The following KCTD8 variants were observed in gnomAD, a reference collection of about 807,000 sequenced individuals.
KCTD8 encodes the protein potassium channel tetramerization domain containing 8, also known as BTB/POZ domain-containing protein KCTD8.
A neutral mutation model predicts 31.5 loss-of-function variants in KCTD8; 27 were observed. That is an observed-to-expected ratio of 0.86 (90% CI 0.63 to 1.18). The LOEUF (loss-of-function observed/expected upper bound fraction) is 1.18, where lower values mean the gene tolerates loss of function less well. Ranked by LOEUF, KCTD8 falls within the 50% of genes most tolerant of loss-of-function variation. The pLI is 0.00. For synonymous variants in KCTD8, 290 were observed against 280.0 expected (o/e 1.04, Z -0.36); for missense variants, 658 against 647.7 (o/e 1.02, Z -0.17).
chr4:44,195,710 G>A (rs953497543), intron 1 of KCTD8, among the ~76,000 whole-genome samples: 2 of 152,084 alleles, frequency 1.3e-5, no homozygotes, highest in African/African-American at 2.4e-5. Context: ...TATTTTATAT[G>A]CAATTTTTGG....
chr4:44,412,812 G>A (rs975592050), intron 1 of KCTD8, among the ~76,000 whole-genome samples: 27 of 152,240 alleles, frequency 1.8e-4, no homozygotes, highest in South Asian at 4.2e-4. Context: ...TAGGCATATT[G>A]TCAATTAAAT....
At chr4:44,348,173 G>T (rs1719083514) in intron 1 of KCTD8, among the ~76,000 whole-genome samples, 1 of 152,142 alleles carries the variant, frequency 6.6e-6, no homozygotes, top group Non-Finnish European at 1.5e-5. Context: ...GCACGGTAAA[G>T]ACATTGTAGG....
intron 1 of KCTD8, among the ~76,000 whole-genome samples, chr4:44,348,435 A>G (rs371794361): frequency 4.0e-4 from 61 of 152,326 alleles, no homozygotes; most frequent in African/African-American, 1.2e-3. Flanking sequence ...TGCAAACTAC[A>G]GTGAAAAATA....
chr4:44,249,784 T>C (rs557109036), intron 1 of KCTD8, among the ~76,000 whole-genome samples: 1 of 151,550 alleles, frequency 6.6e-6, no homozygotes, highest in Non-Finnish European at 1.5e-5. Flanking sequence ...CTTCCCTTCC[T>C]GCCCCCTTCC....
At chr4:44,197,506 C>G (rs543434520) in intron 1 of KCTD8, among the ~76,000 whole-genome samples, 1 of 152,180 alleles carries the variant, frequency 6.6e-6, no homozygotes, top group Non-Finnish European at 1.5e-5. Flanking sequence ...TGCTGGCCAT[C>G]ATGCTTAAGC....
At chr4:44,301,227 T>C (rs1717610032) in intron 1 of KCTD8, among the ~76,000 whole-genome samples, 1 of 152,202 alleles carries the variant, frequency 6.6e-6, no homozygotes, top group Non-Finnish European at 1.5e-5. Flanking sequence ...TTTGGGTATA[T>C]ACCCAGTAAT....
At chr4:44,247,728 G>A (rs1379542835) in intron 1 of KCTD8, among the ~76,000 whole-genome samples, 4 of 151,756 alleles carry the variant, frequency 2.6e-5, no homozygotes, top group Non-Finnish European at 5.9e-5. Context: ...GTTCTTCTGT[G>A]ATAGGCTTAC....
At chr4:44,442,245 AT>A (rs1237586416) in intron 1 of KCTD8, among the ~76,000 whole-genome samples, 3 of 152,064 alleles carry the variant, frequency 2.0e-5, no homozygotes, top group African/African-American at 7.2e-5. Flanking sequence ...ATTTAATCTT[AT>A]TTTTTGTAAT....
At chr4:44,181,614 C>T (rs376688064) in intron 1 of KCTD8, among the ~76,000 whole-genome samples, 2,686 of 152,266 alleles carry the variant, frequency 0.018, 82 homozygotes, top group African/African-American at 0.061. Context: ...ACCTCCCAGC[C>T]GCCTGCCTTG....
At chr4:44,334,662 A>G (rs898193890) in intron 1 of KCTD8, among the ~76,000 whole-genome samples, 37 of 152,086 alleles carry the variant, frequency 2.4e-4, no homozygotes, top group African/African-American at 8.9e-4. Context: ...TGTAAAAAAA[A>G]TCCTTGAACA....
chr4:44,256,935 T>C (rs1271241132), intron 1 of KCTD8, among the ~76,000 whole-genome samples: 1 of 151,990 alleles, frequency 6.6e-6, no homozygotes, highest in Non-Finnish European at 1.5e-5. Flanking sequence ...AAAACAAATA[T>C]CCTCTATGAC....
At chr4:44,405,415 C>T (rs535915632) in intron 1 of KCTD8, among the ~76,000 whole-genome samples, 23 of 151,998 alleles carry the variant, frequency 1.5e-4, no homozygotes, top group African/African-American at 3.6e-4. Flanking sequence ...GTGCTTACCA[C>T]GCCCAGCTAA....
intron 1 of KCTD8, among the ~76,000 whole-genome samples, chr4:44,344,934 C>T (rs1411801906): frequency 1.3e-5 from 2 of 152,168 alleles, no homozygotes; most frequent in Non-Finnish European, 2.9e-5. Flanking sequence ...TCCCTCCTCA[C>T]TGTTCTTCAG....
At chr4:44,200,617 T>TA (rs1270815478) in intron 1 of KCTD8, among the ~76,000 whole-genome samples, 1 of 152,014 alleles carries the variant, frequency 6.6e-6, no homozygotes, top group Non-Finnish European at 1.5e-5. Flanking sequence ...CCCTTCATGA[T>TA]AAAAACCATC....
At chr4:44,402,438 A>G (rs1720688588) in intron 1 of KCTD8, among the ~76,000 whole-genome samples, 1 of 152,148 alleles carries the variant, frequency 6.6e-6, no homozygotes, top group African/African-American at 2.4e-5. Context: ...TAAATATATT[A>G]GAAGAAATAA....
At chr4:44,196,060 G>A (rs559810793) in intron 1 of KCTD8, among the ~76,000 whole-genome samples, 1 of 152,296 alleles carries the variant, frequency 6.6e-6, no homozygotes, top group South Asian at 2.1e-4. Context: ...AAGGGTGGGG[G>A]CACTAACAGC....
intron 1 of KCTD8, among the ~76,000 whole-genome samples, chr4:44,365,337 T>C (rs1467359897): frequency 6.6e-6 from 1 of 152,176 alleles, no homozygotes; most frequent in East Asian, 1.9e-4. Flanking sequence ...TCAGTCTTTA[T>C]AATGTTAAAC....
intron 1 of KCTD8, among the ~76,000 whole-genome samples, chr4:44,418,460 G>A (rs1044991646): frequency 2.0e-5 from 3 of 152,024 alleles, no homozygotes; most frequent in Admixed American, 1.3e-4. Context: ...TATCACAGAG[G>A]TTTTTATAGT....
At chr4:44,292,733 G>T (rs1560417424) in intron 1 of KCTD8, among the ~76,000 whole-genome samples, 1 of 152,070 alleles carries the variant, frequency 6.6e-6, no homozygotes, top group Non-Finnish European at 1.5e-5. Flanking sequence ...AGTCTAGGAA[G>T]TATCAAGTAA....
Sources: allele counts gnomAD v4.1 joint callset (sites outside exome capture counted in the v4.1 genomes callset), GRCh38; gene constraint gnomAD v4.1.1; transcripts MANE v1.5; gene names NCBI Gene and HGNC (gene_info 2026-07-23, HGNC 2026-07-21).